PAM: variants seen among roughly 807,000 people sequenced by gnomAD.
PAM encodes peptidylglycine alpha-amidating monooxygenase.
Under a neutral mutation model 122.1 loss-of-function variants are expected in PAM, and 72 were observed. The observed-to-expected ratio is 0.59, with a 90% CI of 0.49 to 0.72. PAM has a LOEUF of 0.72. Among genes scored for constraint, PAM ranks in the 30% least tolerant of loss-of-function variants. The pLI is 0.00. For missense variants in PAM, 1,106 were observed against 1,183.7 expected (o/e 0.93, Z 0.96); for synonymous variants, 389 against 404.4 (o/e 0.96, Z 0.46).
At chr5:102,942,566 T>C (rs992573397) in intron 7 of PAM, among the ~76,000 whole-genome samples, 35 of 151,744 alleles carry the variant, frequency 2.3e-4, no homozygotes, top group African/African-American at 8.2e-4. Flanking sequence ...TTTAGAATTA[T>C]TTGCTTCCAA....
chr5:102,916,375 C>A (rs999029913), intron 5 of PAM, among the ~76,000 whole-genome samples: 1 of 151,978 alleles, frequency 6.6e-6, no homozygotes, highest in Non-Finnish European at 1.5e-5. Flanking sequence ...TAACACTATA[C>A]CCATATCATT....
intron 5 of PAM, among the ~76,000 whole-genome samples, chr5:102,921,611 C>T (rs192028365): frequency 9.2e-5 from 14 of 152,174 alleles, no homozygotes; most frequent in African/African-American, 3.4e-4. Flanking sequence ...AAAAATTAAA[C>T]CAATGTTTGC....
Position 103,009,837 on chromosome 5 carries a change from A to G in PAM, c.2302A>G (p.Ile768Val). The G allele has an allele frequency of 6.2e-7, 1 of 1,608,886 alleles. No individual in the cohort carries two copies. Among genetic ancestry groups the G allele is most frequent in the Non-Finnish European group, 8.5e-7 (1 of 1,175,834 alleles). Residue 768 changes from isoleucine to valine, a missense_variant, in exon 21 of 26, where the codon ATT (isoleucine) becomes GTT (valine). Coordinates refer to ENST00000438793, the MANE Select transcript of PAM (RefSeq NM_001177306.2). ...GFVMNFSNGE[I>V]IDIFKPVRKH... The stretch of plus-strand genomic sequence containing the variant: ...TGTGATGAACTTTTCCAATGGGGAA[A>G]TTATAGACATCTTCAAGCCAGTGCG...
At chr5:102,829,702 A>G (rs990549071) in intron 1 of PAM, among the ~76,000 whole-genome samples, 1 of 152,108 alleles carries the variant, frequency 6.6e-6, no homozygotes, top group East Asian at 1.9e-4. Flanking sequence ...TGGTTAGAAA[A>G]TTGTATTTGT....
At chr5:102,778,150 G>C (rs1433409520) in intron 1 of PAM, among the ~76,000 whole-genome samples, 1 of 152,130 alleles carries the variant, frequency 6.6e-6, no homozygotes, top group Non-Finnish European at 1.5e-5. Flanking sequence ...CGGGTGAGTT[G>C]CCTTTCTCCT....
intron 4 of PAM, among the ~76,000 whole-genome samples, chr5:102,901,736 A>G (rs1797963292): frequency 6.6e-6 from 1 of 151,406 alleles, no homozygotes; most frequent in Non-Finnish European, 1.5e-5. Flanking sequence ...CACTCAACAG[A>G]CAGTTTATTT....
At chr5:102,923,301 A>G (rs1022026439) in intron 5 of PAM, among the ~76,000 whole-genome samples, 1 of 152,168 alleles carries the variant, frequency 6.6e-6, no homozygotes, top group East Asian at 1.9e-4. Context: ...CATATGTGCA[A>G]CGTGGGTGTT....
intron 1 of PAM, among the ~76,000 whole-genome samples, chr5:102,799,254 G>A (rs991097413): frequency 6.6e-6 from 1 of 152,156 alleles, no homozygotes; most frequent in African/African-American, 2.4e-5. Context: ...ATAGTGCCTG[G>A]ATGCTTGCTT....
chr5:102,762,285 C>T (rs1752565450), intron 1 of PAM, among the ~76,000 whole-genome samples: 1 of 152,176 alleles, frequency 6.6e-6, no homozygotes, highest in Non-Finnish European at 1.5e-5. Flanking sequence ...TTCATATAAA[C>T]AGCATGAAAT....
At chr5:103,000,663 C>T (rs1479312429) in intron 16 of PAM, among the ~76,000 whole-genome samples, 1 of 152,134 alleles carries the variant, frequency 6.6e-6, no homozygotes, top group Non-Finnish European at 1.5e-5. Context: ...CCTCAGGAAA[C>T]TTACAATCAG....
At chr5:102,964,645 T>C (rs1383124064) in intron 14 of PAM, among the ~76,000 whole-genome samples, 2 of 151,854 alleles carry the variant, frequency 1.3e-5, no homozygotes, top group African/African-American at 4.8e-5. Context: ...AGTATAAATA[T>C]ACAAATAGAA....
intron 1 of PAM, among the ~76,000 whole-genome samples, chr5:102,826,133 A>G (rs1773528059): frequency 6.6e-6 from 1 of 152,222 alleles, no homozygotes; most frequent in South Asian, 2.1e-4. Context: ...CTAAAAATGT[A>G]CTTAATGTCA....
chr5:102,919,827 G>T (rs1460850002), intron 5 of PAM, among the ~76,000 whole-genome samples: 1 of 151,902 alleles, frequency 6.6e-6, no homozygotes, highest in South Asian at 2.1e-4. Context: ...TATGTTCCTT[G>T]GCTAATAATA....
chr5:102,953,435 T>A (rs921377738), intron 12 of PAM, among the ~76,000 whole-genome samples: 6 of 152,112 alleles, frequency 3.9e-5, no homozygotes, highest in East Asian at 3.9e-4. Context: ...GAAGGATGTA[T>A]TAAGTGAAAT....
At chr5:102,802,760 T>G (rs1181893227) in intron 1 of PAM, among the ~76,000 whole-genome samples, 1 of 152,164 alleles carries the variant, frequency 6.6e-6, no homozygotes, top group African/African-American at 2.4e-5. Context: ...ATCTGTAGTT[T>G]TGTTTATTAT....
chr5:102,968,341 G>A (rs182344287), intron 14 of PAM, among the ~76,000 whole-genome samples: 33 of 152,236 alleles, frequency 2.2e-4, no homozygotes, highest in East Asian at 5.8e-4. Context: ...CATTCTGACC[G>A]TCTCCTTCAA....
intron 1 of PAM, among the ~76,000 whole-genome samples, chr5:102,821,837 T>C (rs1268606904): frequency 6.6e-6 from 1 of 152,200 alleles, no homozygotes; most frequent in Non-Finnish European, 1.5e-5. Context: ...TGAAATAATA[T>C]ATAATGAAAG....
intron 1 of PAM, among the ~76,000 whole-genome samples, chr5:102,792,927 T>C (rs947763401): frequency 1.3e-5 from 2 of 152,126 alleles, no homozygotes; most frequent in African/African-American, 4.8e-5. Flanking sequence ...AAGTTCAGAG[T>C]GCCTCCTAGT....
At chr5:102,777,736 C>T (rs560590157) in intron 1 of PAM, among the ~76,000 whole-genome samples, 2 of 152,146 alleles carry the variant, frequency 1.3e-5, no homozygotes, top group East Asian at 3.9e-4. Context: ...GCCTGTTTTC[C>T]TCTGTAGAGG....
Sources: allele counts gnomAD v4.1 joint callset (sites outside exome capture counted in the v4.1 genomes callset), GRCh38; gene constraint gnomAD v4.1.1; transcripts MANE v1.5; gene names NCBI Gene and HGNC (gene_info 2026-07-23, HGNC 2026-07-21).